Variants in KCNIP4 observed in about 807,000 individuals in gnomAD.
The protein encoded by KCNIP4 is Kv channel-interacting protein 4.
A neutral mutation model predicts 34.0 loss-of-function variants in KCNIP4; 12 were observed. That is an observed-to-expected ratio of 0.35 (90% confidence interval 0.23 to 0.57). The LOEUF (loss-of-function observed/expected upper bound fraction) is 0.57, where lower values mean the gene tolerates loss of function less well. KCNIP4 is among the 20% of genes least tolerant of loss of function. KCNIP4 has a pLI of 0.83. For missense variants in KCNIP4, 238 were observed against 311.7 expected, an observed-to-expected ratio of 0.76 and a Z score of 1.78; for synonymous variants, 124 against 102.2, an observed-to-expected ratio of 1.21 and a Z score of -1.29.
chr4:20,862,861 T>A (rs987061345), intron 2 of KCNIP4, among the ~76,000 whole-genome samples: 1 of 152,114 alleles, frequency 6.6e-6, no homozygotes, highest in South Asian at 2.1e-4. Flanking sequence ...GGCAAATTAA[T>A]CCAGGAACAG....
intron 1 of KCNIP4, among the ~76,000 whole-genome samples, chr4:21,152,737 C>T (rs1027421721): frequency 2.6e-5 from 4 of 152,256 alleles, no homozygotes; most frequent in African/African-American, 9.6e-5. Context: ...CAAAAGCCAG[C>T]GGTGATTATT....
chr4:21,044,106 T>A (rs1742208253), intron 1 of KCNIP4, among the ~76,000 whole-genome samples: 1 of 152,154 alleles, frequency 6.6e-6, no homozygotes, highest in African/African-American at 2.4e-5. Flanking sequence ...CTGGACAATC[T>A]GAAGAGAAGC....
At chr4:21,189,320 T>C (rs1349139694) in intron 1 of KCNIP4, among the ~76,000 whole-genome samples, 1 of 152,158 alleles carries the variant, frequency 6.6e-6, no homozygotes, top group Non-Finnish European at 1.5e-5. Context: ...TCCATATGCC[T>C]TTTTGAAATA....
chr4:21,063,653 C>A (rs1050997171), intron 1 of KCNIP4, among the ~76,000 whole-genome samples: 2 of 151,850 alleles, frequency 1.3e-5, no homozygotes, highest in Non-Finnish European at 2.9e-5. Flanking sequence ...TCACACCAGT[C>A]TAAAGAAAAT....
At chr4:20,802,841 G>A (rs1443176192) in intron 3 of KCNIP4, among the ~76,000 whole-genome samples, 2 of 151,986 alleles carry the variant, frequency 1.3e-5, no homozygotes, top group African/African-American at 2.4e-5. Context: ...TTGGGAGGCC[G>A]AGGCGGGCGG....
chr4:21,044,535 C>T (rs1228091048), intron 1 of KCNIP4, among the ~76,000 whole-genome samples: 1 of 152,152 alleles, frequency 6.6e-6, no homozygotes, highest in East Asian at 1.9e-4. Context: ...TGGTCTCGAT[C>T]TCTTGACCTC....
intron 1 of KCNIP4, among the ~76,000 whole-genome samples, chr4:21,640,482 C>T (rs1746537000): frequency 6.6e-6 from 1 of 152,124 alleles, no homozygotes; most frequent in South Asian, 2.1e-4. Context: ...TTCAATCTAA[C>T]ATTCCAGTCT....
rs556884745 is a variant in KCNIP4, at chr4:21,276,946, T to A, written c.62-394237A>T. The stretch of plus-strand genomic sequence containing the variant: ...TGGAACATGAATATGAGGTTAGAGT[T>A]GCAGCAACAATGTTGAGACTATGGA... On this transcript the variant is annotated intron_variant, in intron 1 of 8. Coordinates refer to ENST00000382152, the MANE Select transcript of KCNIP4 (RefSeq NM_025221.6). 2.8e-4 allele frequency among the ~76,000 whole-genome samples: 42 copies of A among 152,312 alleles called. 1 individual carries two copies. The South Asian group carries it at 7.7e-3, about 28-fold the overall frequency.
chr4:20,775,792 C>T (rs1756324531), intron 3 of KCNIP4, among the ~76,000 whole-genome samples: 1 of 152,138 alleles, frequency 6.6e-6, no homozygotes, highest in Non-Finnish European at 1.5e-5. Context: ...AATCTCTGTA[C>T]TACTGAAAGT....
chr4:21,403,754 C>G (rs900285238), intron 1 of KCNIP4, among the ~76,000 whole-genome samples: 2 of 152,158 alleles, frequency 1.3e-5, no homozygotes, highest in Admixed American at 6.5e-5. Flanking sequence ...GATTCAGTTT[C>G]TGGTGGGGAC....
In KCNIP4 at chr4:21,898,803, C is replaced by T. The variant is rs574578590; in HGVS notation, c.61+49768G>A. Among the ~76,000 whole-genome samples the T allele has an allele frequency of 4.6e-5, 7 of 152,240 alleles. No individual in the cohort carries two copies. The East Asian group carries it at 1.4e-3, about 30-fold the overall frequency. ...GGGACTTCGTCTTATAGCTTGGGTA[C>T]CAGCTCAGCCACAGTGAGGTACAGC... On this transcript the variant is annotated intron_variant, in intron 1 of 8. Coordinates refer to ENST00000382152, the MANE Select transcript of KCNIP4 (RefSeq NM_025221.6).
intron 1 of KCNIP4, among the ~76,000 whole-genome samples, chr4:21,598,213 C>T (rs1742810604): frequency 6.6e-6 from 1 of 151,958 alleles, no homozygotes; most frequent in African/African-American, 2.4e-5. Flanking sequence ...GATTTTATAC[C>T]CATTTTAGCA....
intron 1 of KCNIP4, among the ~76,000 whole-genome samples, chr4:21,250,123 T>TC (rs200007017): frequency 4.2e-4 from 62 of 148,332 alleles, no homozygotes; most frequent in African/African-American, 8.7e-4. Flanking sequence ...TTTCTTTCTT[T>TC]TTTTTTTTCC....
At chr4:20,917,055 T>C (rs1017917708) in intron 1 of KCNIP4, among the ~76,000 whole-genome samples, 3 of 117,848 alleles carry the variant, frequency 2.5e-5, no homozygotes, top group Non-Finnish European at 3.4e-5. Context: ...ATATATAAAA[T>C]TGAGATGGGG....
chr4:20,778,054 C>A (rs1438989466), intron 3 of KCNIP4, among the ~76,000 whole-genome samples: 1 of 152,120 alleles, frequency 6.6e-6, no homozygotes, highest in East Asian at 1.9e-4. Context: ...TCAAAGGAAC[C>A]AAGGAAGAAG....
chr4:21,215,540 T>C (rs1176306248), intron 1 of KCNIP4, among the ~76,000 whole-genome samples: 2 of 152,200 alleles, frequency 1.3e-5, no homozygotes, highest in Non-Finnish European at 2.9e-5. Context: ...TGGAAGCTTC[T>C]TCTCTGTGTT....
intron 1 of KCNIP4, among the ~76,000 whole-genome samples, chr4:21,708,108 C>T (rs138496258): frequency 1.2e-3 from 177 of 152,150 alleles, no homozygotes; most frequent in African/African-American, 4.0e-3. Context: ...TTTACCTTTA[C>T]TCAGATGCAT....
chr4:21,808,892 T>G (rs2109266094), intron 1 of KCNIP4, among the ~76,000 whole-genome samples: 1 of 152,306 alleles, frequency 6.6e-6, no homozygotes, highest in African/African-American at 2.4e-5. Flanking sequence ...AGAGTGGCTC[T>G]GAGAAGAAAC....
chr4:21,023,606 T>C (rs952136920), intron 1 of KCNIP4, among the ~76,000 whole-genome samples: 2 of 151,844 alleles, frequency 1.3e-5, no homozygotes, highest in Non-Finnish European at 2.9e-5. Context: ...AAAATGAAAA[T>C]CAAACTCACA....
Sources: allele counts gnomAD v4.1 joint callset (sites outside exome capture counted in the v4.1 genomes callset), GRCh38; gene constraint gnomAD v4.1.1; transcripts MANE v1.5; gene names NCBI Gene and HGNC (gene_info 2026-07-23, HGNC 2026-07-21).